Variants in FOXO1 observed in about 807,000 individuals in gnomAD.
FOXO1 encodes forkhead box protein O1.
Under a neutral mutation model 44.1 loss-of-function variants are expected in FOXO1, and 6 were observed. The ratio of observed to expected loss-of-function variants is 0.14; its 90% CI spans 0.07 to 0.27. The LOEUF (loss-of-function observed/expected upper bound fraction) is 0.27. FOXO1 is among the 10% of genes least tolerant of loss of function. FOXO1 has a pLI of 1.00. For missense variants in FOXO1, 737 were observed against 888.8 expected (o/e 0.83, Z 2.17); for synonymous variants, 380 against 362.7 (o/e 1.05, Z -0.54).
At chr13:40,654,322 T>TTA (rs1441231791) in intron 1 of FOXO1, among the ~76,000 whole-genome samples, 17 of 48,198 alleles carry the variant, frequency 3.5e-4, no homozygotes, top group African/African-American at 1.0e-3. Context: ...CTAAAAATAC[T>TTA]AAAAAAAAAA....
At chr13:40,650,550 CAGT>C (rs1479239747) in intron 1 of FOXO1, among the ~76,000 whole-genome samples, 3 of 152,106 alleles carry the variant, frequency 2.0e-5, no homozygotes, top group African/African-American at 7.2e-5. Flanking sequence ...AAAGGAAGGA[CAGT>C]AGGCTAAAAA....
chr13:40,636,955 A>G (rs2137918569), intron 1 of FOXO1, among the ~76,000 whole-genome samples: 1 of 152,282 alleles, frequency 6.6e-6, no homozygotes, highest in South Asian at 2.1e-4. Context: ...GCACCTTACC[A>G]TGTATTATTA....
intron 1 of FOXO1, chr13:40,620,007 T>C (rs1876555759): frequency 3.8e-5 from 28 of 743,302 alleles, no homozygotes; most frequent in South Asian, 2.1e-4. Context: ...GCACTGTTTG[T>C]CATAATTCAC....
chr13:40,575,260 G>A (rs1874700736), intron 1 of FOXO1, among the ~76,000 whole-genome samples: 1 of 152,074 alleles, frequency 6.6e-6, no homozygotes, highest in African/African-American at 2.4e-5. Context: ...AGGATAGCTT[G>A]AGCCCAGGAA....
intron 1 of FOXO1, among the ~76,000 whole-genome samples, chr13:40,600,842 T>C (rs1033876335): frequency 1.3e-5 from 2 of 152,210 alleles, no homozygotes; most frequent in African/African-American, 4.8e-5. Context: ...TATGTCCAAA[T>C]TGGATCTAAC....
intron 1 of FOXO1, among the ~76,000 whole-genome samples, chr13:40,635,720 G>T (rs879800852): frequency 6.6e-6 from 1 of 152,168 alleles, no homozygotes; most frequent in Non-Finnish European, 1.5e-5. Flanking sequence ...CTGATGCCTT[G>T]TGCAGGAAAG....
intron 1 of FOXO1, among the ~76,000 whole-genome samples, chr13:40,612,481 A>G (rs1876268432): frequency 6.6e-6 from 1 of 152,258 alleles, no homozygotes; most frequent in South Asian, 2.1e-4. Context: ...TGTGTTACAC[A>G]TATGTACGTA....
rs760584890 is a variant in FOXO1 at position 40,560,270 on chromosome 13, A to C, written c.1221T>G (p.Phe407Leu). 1.9e-6 allele frequency: 3 copies of C among 1,614,208 alleles called. No homozygotes were observed. Among genetic ancestry groups the C allele is most frequent in the Non-Finnish European group, 2.5e-6 (3 of 1,180,042 alleles). ...TMMQQTPCYS[F>L]APPNTSLNSP... is the part of the protein sequence containing the mutation. ...AATTCAAACTGGTGTTTGGTGGCGC[A>C]AACGAGTAGCACGGCGTCTGCTGCA... is the stretch of plus-strand genomic sequence containing the variant. The change falls in exon 2 of 3, where the codon TTT (phenylalanine) becomes TTG (leucine). Residue 407 changes from phenylalanine (F) to leucine (L), a missense_variant. Phe to Leu is a conservative substitution (Grantham distance 22). Coordinates refer to ENST00000379561, the MANE Select transcript of FOXO1 (RefSeq NM_002015.4). This position sits in a 1 kb window ranked among gnomAD's most constrained non-coding sequence, Gnocchi z 5.1.
chr13:40,646,876 G>T (rs980209049), intron 1 of FOXO1, among the ~76,000 whole-genome samples: 6 of 152,170 alleles, frequency 3.9e-5, no homozygotes, highest in African/African-American at 9.7e-5. Context: ...TTACAGGCGT[G>T]AGCCACCGCG....
intron 1 of FOXO1, among the ~76,000 whole-genome samples, chr13:40,630,175 A>G (rs1424171950): frequency 6.6e-6 from 1 of 152,198 alleles, no homozygotes; most frequent in Non-Finnish European, 1.5e-5. Context: ...TATTTGTTCT[A>G]GGAATTCAAG....
At chr13:40,653,430 C>T (rs535010890) in intron 1 of FOXO1, among the ~76,000 whole-genome samples, 1 of 152,172 alleles carries the variant, frequency 6.6e-6, no homozygotes, top group African/African-American at 2.4e-5. Flanking sequence ...GCCTGGTACC[C>T]GCAGAGGAAA....
intron 1 of FOXO1, among the ~76,000 whole-genome samples, chr13:40,603,313 C>G (rs983239829): frequency 2.2e-5 from 3 of 137,330 alleles, no homozygotes; most frequent in Non-Finnish European, 4.6e-5. Flanking sequence ...AATCTCAATC[C>G]AATCCAAACC....
intron 1 of FOXO1, among the ~76,000 whole-genome samples, chr13:40,575,163 T>C (rs1042952674): frequency 2.0e-5 from 3 of 151,626 alleles, no homozygotes; most frequent in African/African-American, 7.3e-5. Flanking sequence ...GAGACCATCC[T>C]GTCTCTACAT....
chr13:40,595,143 C>T (rs889006825), intron 1 of FOXO1, among the ~76,000 whole-genome samples: 12 of 152,066 alleles, frequency 7.9e-5, no homozygotes, highest in African/African-American at 2.7e-4. Flanking sequence ...TGAGATGGAG[C>T]GATTAGGAGG....
In FOXO1 at chr13:40,559,712, G is replaced by C; in HGVS notation, c.1779C>G (p.Leu593=). 1 of 1,614,094 alleles carries C rather than the reference G, an allele frequency of 6.2e-7. No individual in the cohort carries two copies. The highest frequency in any genetic ancestry group is 2.2e-5 in the East Asian group (1 of 44,872). ...SCNGYGRMGL[L]HQEKLPSDLD... The stretch of plus-strand genomic sequence containing the variant: ...AGTCACTTGGGAGCTTCTCCTGGTG[G>C]AGAAGGCCCATTCTGCCATAGCCAT... The change falls in exon 2 of 3, where the codon CTC becomes CTG. Residue 593 remains leucine, a synonymous_variant. Coordinates refer to ENST00000379561, the MANE Select transcript of FOXO1 (RefSeq NM_002015.4).
chr13:40,582,382 C>T (rs571834181), intron 1 of FOXO1, among the ~76,000 whole-genome samples: 63 of 152,310 alleles, frequency 4.1e-4, no homozygotes, highest in African/African-American at 1.3e-3. Context: ...AAGCTGGGAT[C>T]GCTTTGGTAA....
chr13:40,617,276 C>T (rs1164525740), intron 1 of FOXO1, among the ~76,000 whole-genome samples: 2 of 152,026 alleles, frequency 1.3e-5, no homozygotes, highest in Admixed American at 1.3e-4. Flanking sequence ...AGAAGACTCG[C>T]CTCTACTAAA....
At chr13:40,620,046 C>A in intron 1 of FOXO1, 1 of 879,172 alleles carries the variant, frequency 1.1e-6, no homozygotes, top group South Asian at 1.5e-5. Context: ...TACAGCAAAC[C>A]ACTAGAAGAT....
intron 1 of FOXO1, among the ~76,000 whole-genome samples, chr13:40,601,136 T>A (rs1447716878): frequency 1.3e-5 from 2 of 152,184 alleles, no homozygotes; most frequent in Non-Finnish European, 2.9e-5. Context: ...CAGACTACAG[T>A]AACTTCTGCC....
Sources: gnomAD v4.1 joint callset for allele counts (sites outside exome capture counted in the v4.1 genomes callset) on GRCh38, gnomAD v4.1.1 for gene constraint, Gnocchi (gnomAD v3.1) non-coding constraint, MANE v1.5 for transcripts, NCBI Gene and HGNC (gene_info 2026-07-23, HGNC 2026-07-21) for gene names.